KALRN: variants seen among roughly 807,000 people sequenced by gnomAD.
KALRN encodes kalirin RhoGEF kinase, also known as kalirin.
A neutral mutation model predicts 353.7 loss-of-function variants in KALRN; 70 were observed. The ratio of observed to expected loss-of-function variants is 0.20; its 90% CI spans 0.16 to 0.24. KALRN has a LOEUF of 0.24. Ranked by LOEUF, KALRN falls within the 10% of genes least tolerant of loss-of-function variation. The pLI, the probability that KALRN is intolerant of heterozygous loss-of-function variation, is 1.00. For missense variants in KALRN, 2,791 were observed against 3,756.7 expected (o/e 0.74, Z 6.72); for synonymous variants, 1,391 against 1,434.8 (o/e 0.97, Z 0.69).
chr3:124,696,131 T>C lies in KALRN; in HGVS notation c.7578-3T>C. 1 of 1,613,768 alleles carries C rather than the reference T, an allele frequency of 6.2e-7. No individual in the cohort carries two copies. The stretch of plus-strand genomic sequence containing the variant: ...CTGAAGAGCATCCTTTTGGTGTCCC[T>C]AGTGATTCTGGAGAAATCACCCTGA... On this transcript the variant is annotated splice_region_variant and splice_polypyrimidine_tract_variant and intron_variant, in intron 53 of 59. Coordinates refer to ENST00000682506, the MANE Select transcript of KALRN (RefSeq NM_001388419.1).
At chr3:124,648,697 A>G (rs951543791) in intron 37 of KALRN, among the ~76,000 whole-genome samples, 1 of 152,230 alleles carries the variant, frequency 6.6e-6, no homozygotes, top group Non-Finnish European at 1.5e-5. Context: ...AGGCTGAAAC[A>G]GGACAATGGG....
intron 1 of KALRN, among the ~76,000 whole-genome samples, chr3:124,171,417 A>G (rs1026213150): frequency 6.6e-6 from 1 of 152,084 alleles, no homozygotes; most frequent in African/African-American, 2.4e-5. Flanking sequence ...TCTTTTTGTG[A>G]TATCTTATCC....
At chr3:124,066,873 A>T (rs1014787104) in intron 1 of KALRN, among the ~76,000 whole-genome samples, 2 of 152,198 alleles carry the variant, frequency 1.3e-5, no homozygotes, top group African/African-American at 4.8e-5. Context: ...TAGGAGACAC[A>T]GTTTTCTCCA....
chr3:124,659,292 C>A, intron 42 of KALRN, 73 bp from the exon 43 acceptor site: 2 of 968,678 alleles, frequency 2.1e-6, no homozygotes, highest in Non-Finnish European at 3.4e-6. Flanking sequence ...GTCTTCCATG[C>A]CTTTGAACCC....
chr3:124,355,618 C>A (rs1268791666), intron 10 of KALRN, among the ~76,000 whole-genome samples: 2 of 151,590 alleles, frequency 1.3e-5, no homozygotes, highest in African/African-American at 4.8e-5. Context: ...AGTGAAGTGC[C>A]TTGTGATGTA....
At chr3:124,489,491 C>A (rs991969893) in intron 29 of KALRN, among the ~76,000 whole-genome samples, 1 of 152,194 alleles carries the variant, frequency 6.6e-6, no homozygotes, top group African/African-American at 2.4e-5. Context: ...CTTCCCAGAC[C>A]ATCCTTAGCA....
chr3:124,548,321 C>T (rs2069978954), intron 33 of KALRN, among the ~76,000 whole-genome samples: 1 of 152,128 alleles, frequency 6.6e-6, no homozygotes, highest in Non-Finnish European at 1.5e-5. Flanking sequence ...ATAAAATTGC[C>T]CTCTCTTCCC....
intron 9 of KALRN, among the ~76,000 whole-genome samples, chr3:124,335,665 C>G (rs1369525068): frequency 6.6e-6 from 1 of 152,000 alleles, no homozygotes; most frequent in Non-Finnish European, 1.5e-5. Context: ...CTTAGTTGTC[C>G]TAGGATGGGC....
chr3:124,548,829 T>G (rs1474992493), intron 33 of KALRN, among the ~76,000 whole-genome samples: 1 of 152,200 alleles, frequency 6.6e-6, no homozygotes, highest in Non-Finnish European at 1.5e-5. Flanking sequence ...AATTTTTGTA[T>G]TTTTAGCAGA....
Position 124,274,997 on chromosome 3 carries a change from A to T in KALRN, c.969+5742A>T, listed in dbSNP as rs547424831. Among the ~76,000 whole-genome samples the T allele has an allele frequency of 1.5e-4, 23 of 152,366 alleles. No individual in the cohort carries two copies. In the South Asian group the frequency reaches 4.1e-3, roughly 27 times the overall value. On this transcript the variant is annotated intron_variant, in intron 5 of 59. Transcript: ENST00000682506. ...GTATCAATTGTGAGACATTAGGCAC[A>T]TCTTTAACTTATCACCCCCAATTGT... is the stretch of plus-strand genomic sequence containing the variant.
chr3:124,291,948 G>A (rs1048986867), intron 5 of KALRN, among the ~76,000 whole-genome samples: 1 of 152,198 alleles, frequency 6.6e-6, no homozygotes, highest in Non-Finnish European at 1.5e-5. Context: ...TCCCCCGTCT[G>A]TAGATGTCCG....
At position 124,135,546 on chromosome 3, in the gene KALRN, G is replaced by A. The variant is rs902641651; in HGVS notation, c.74-92444G>A. Among the ~76,000 whole-genome samples, 2 of 152,150 alleles carry A rather than the reference G, an allele frequency of 1.3e-5. 1 individual carries two copies. The highest frequency in any genetic ancestry group is 4.1e-4 in the South Asian group (2 of 4,826). Reference sequence around the variant, plus strand: ...ATGGAAAATAAAATTTAAAAAATAGGTGTTCTTTGAAAGGGTGTGGGGGTG... The same window carrying A: ...ATGGAAAATAAAATTTAAAAAATAGATGTTCTTTGAAAGGGTGTGGGGGTG... On this transcript the variant is annotated intron_variant, in intron 1 of 59. Transcript: ENST00000682506.
intron 33 of KALRN, among the ~76,000 whole-genome samples, chr3:124,499,275 G>C (rs1205780154): frequency 6.6e-6 from 1 of 152,144 alleles, no homozygotes; most frequent in South Asian, 2.1e-4. Flanking sequence ...GAAGGAGTTC[G>C]ATACACCTAG....
intron 45 of KALRN, among the ~76,000 whole-genome samples, chr3:124,663,083 T>C (rs995715230): frequency 2.6e-5 from 4 of 152,130 alleles, no homozygotes; most frequent in Non-Finnish European, 5.9e-5. Context: ...GTAGCTGGGA[T>C]TACAGGCATG....
At chr3:124,276,133 T>A (rs2074699567) in intron 5 of KALRN, among the ~76,000 whole-genome samples, 1 of 152,216 alleles carries the variant, frequency 6.6e-6, no homozygotes, top group African/African-American at 2.4e-5. Flanking sequence ...ATACTTCCTA[T>A]GGCAATGTTT....
intron 34 of KALRN, among the ~76,000 whole-genome samples, chr3:124,568,100 A>C (rs992331727): frequency 4.6e-5 from 7 of 152,258 alleles, no homozygotes; most frequent in African/African-American, 1.7e-4. Flanking sequence ...AAGATGTATT[A>C]GAAAGGTTGA....
intron 5 of KALRN, among the ~76,000 whole-genome samples, chr3:124,280,793 A>C (rs942218694): frequency 6.6e-6 from 1 of 152,182 alleles, no homozygotes; most frequent in Non-Finnish European, 1.5e-5. Flanking sequence ...TTTTTCCAGT[A>C]TGAAAATGTT....
chr3:124,350,856 C>A (rs2082761481), intron 10 of KALRN, among the ~76,000 whole-genome samples: 2 of 152,146 alleles, frequency 1.3e-5, no homozygotes, highest in African/African-American at 4.8e-5. Flanking sequence ...ACAAAGGGAG[C>A]ACTTTACCTG....
At chr3:124,195,184 G>A (rs888695597) in intron 1 of KALRN, among the ~76,000 whole-genome samples, 4 of 152,120 alleles carry the variant, frequency 2.6e-5, no homozygotes, top group African/African-American at 9.7e-5. Context: ...TTTTACTATA[G>A]CCCCTCATTA....
Sources: allele counts gnomAD v4.1 joint callset (sites outside exome capture counted in the v4.1 genomes callset), GRCh38; gene constraint gnomAD v4.1.1; transcripts MANE v1.5; gene names NCBI Gene and HGNC (gene_info 2026-07-23, HGNC 2026-07-21).